MBNL2: variants seen among roughly 807,000 people sequenced by gnomAD.
The protein encoded by MBNL2 is muscleblind-like protein 2.
In MBNL2, 17 loss-of-function variants were observed where a neutral mutation model predicts 41.9. The observed-to-expected ratio is 0.41, with a 90% confidence interval of 0.28 to 0.61. The LOEUF (loss-of-function observed/expected upper bound fraction) is 0.61, where lower values mean the gene tolerates loss of function less well. MBNL2 is among the 20% of genes least tolerant of loss of function. The pLI, the probability that MBNL2 is intolerant of heterozygous loss-of-function variation, is 0.35. For missense variants in MBNL2, 336 were observed against 505.6 expected, an observed-to-expected ratio of 0.66 and a Z score of 3.22; for synonymous variants, 195 against 182.9, an observed-to-expected ratio of 1.07 and a Z score of -0.53.
chr13:97,144,983 T>C, the MBNL2 span, among the ~76,000 whole-genome samples: 1 of 152,178 alleles, frequency 6.6e-6, no homozygotes, highest in Non-Finnish European at 1.5e-5. Flanking sequence ...CATGGTAGCA[T>C]TGTGCTTCCC....
At chr13:97,327,699 G>A (rs987017685) in intron 2 of MBNL2, among the ~76,000 whole-genome samples, 3 of 151,890 alleles carry the variant, frequency 2.0e-5, no homozygotes, top group African/African-American at 7.3e-5. Context: ...GCCCTGGCAA[G>A]TTTCAGCAGG....
At position 97,238,551 on chromosome 13, in the gene MBNL2, G is replaced by A. The variant is rs150690048; in HGVS notation, c.-605+16020G>A. 9.2e-5 allele frequency among the ~76,000 whole-genome samples: 14 copies of A among 152,284 alleles called. No individual in the cohort carries two copies. In the East Asian group the frequency reaches 2.3e-3, roughly 25 times the overall value. ...AGAAAGTTCAATAAAGATGAAGACCGGGCCCAGTCCTATGAGGTGCAGAAG... is the reference window on the plus strand; with the variant it reads ...AGAAAGTTCAATAAAGATGAAGACCAGGCCCAGTCCTATGAGGTGCAGAAG... On this transcript the variant is annotated intron_variant, in intron 1 of 8. Coordinates refer to ENST00000679496, the MANE Select transcript of MBNL2 (RefSeq NM_001382683.1).
chr13:97,236,408 G>A (rs995082206), intron 1 of MBNL2, among the ~76,000 whole-genome samples: 2 of 152,030 alleles, frequency 1.3e-5, no homozygotes, highest in African/African-American at 4.8e-5. Flanking sequence ...GTTGGAGGGG[G>A]TGCTCCTGGG....
At chr13:97,237,821 C>T (rs2043567218) in intron 1 of MBNL2, among the ~76,000 whole-genome samples, 1 of 152,136 alleles carries the variant, frequency 6.6e-6, no homozygotes, top group African/African-American at 2.4e-5. Flanking sequence ...TCAGACAATG[C>T]TTTAGAGAGA....
intron 2 of MBNL2, among the ~76,000 whole-genome samples, chr13:97,320,210 A>C (rs551858816): frequency 6.6e-6 from 1 of 152,124 alleles, no homozygotes; most frequent in South Asian, 2.1e-4. Context: ...CCAGAGGTCC[A>C]AAATCCAAGG....
chr13:97,338,347 C>T (rs2061068874), intron 3 of MBNL2, among the ~76,000 whole-genome samples: 1 of 152,198 alleles, frequency 6.6e-6, no homozygotes, highest in African/African-American at 2.4e-5. Context: ...CCAGCATTCT[C>T]TACCAGCGAG....
intron 7 of MBNL2, among the ~76,000 whole-genome samples, chr13:97,364,290 C>A (rs1267289042): frequency 6.6e-6 from 1 of 152,162 alleles, no homozygotes; most frequent in Non-Finnish European, 1.5e-5. Context: ...GCCAGAAATC[C>A]CCCTCAGGGA....
the MBNL2 span, among the ~76,000 whole-genome samples, chr13:97,171,730 C>G: frequency 6.6e-6 from 1 of 152,088 alleles, no homozygotes; most frequent in Admixed American, 6.5e-5. Flanking sequence ...CATTCTGGGT[C>G]TTGATATGGT....
At chr13:97,290,548 C>T (rs894123421) in intron 2 of MBNL2, among the ~76,000 whole-genome samples, 2 of 151,964 alleles carry the variant, frequency 1.3e-5, no homozygotes, top group Non-Finnish European at 2.9e-5. Flanking sequence ...CGGTGGCGGG[C>T]GCCTGTAGTC....
At chr13:97,147,210 G>A in the MBNL2 span, among the ~76,000 whole-genome samples, 40 of 152,346 alleles carry the variant, frequency 2.6e-4, no homozygotes, top group Admixed American at 5.9e-4. Context: ...TATTTGTGCT[G>A]AATGCACTGT....
At chr13:97,177,848 T>C in the MBNL2 span, among the ~76,000 whole-genome samples, 1 of 152,272 alleles carries the variant, frequency 6.6e-6, no homozygotes, top group African/African-American at 2.4e-5. Context: ...AATTACAGTA[T>C]TGAGGGCTAG....
At chr13:97,281,043 C>T (rs1009276988) in intron 2 of MBNL2, among the ~76,000 whole-genome samples, 1 of 152,200 alleles carries the variant, frequency 6.6e-6, no homozygotes, top group Admixed American at 6.5e-5. Flanking sequence ...AACATAAGCT[C>T]TATGTGGATA....
At position 97,372,296 on chromosome 13, in the gene MBNL2, T is replaced by C. The variant is rs529377961; in HGVS notation, c.1048+7125T>C. Among the ~76,000 whole-genome samples, 4 of 152,320 alleles carry C rather than the reference T, an allele frequency of 2.6e-5. No homozygotes were observed. In the East Asian group the frequency reaches 7.7e-4, roughly 29 times the overall value. On this transcript the variant is annotated intron_variant, in intron 8 of 8. Transcript: ENST00000679496. ...AAATGATCATTCATGTTTAATATTA[T>C]GACCTCAAAGTCTTACCACATCTTC...
rs1355684311 is a variant in MBNL2, at chr13:97,388,307, A to T, written c.1049-3015A>T. On this transcript the variant is annotated intron_variant, in intron 8 of 8. Coordinates refer to ENST00000679496, the MANE Select transcript of MBNL2 (RefSeq NM_001382683.1). Reference sequence around the variant, plus strand: ...AGATGGAAAAAGTTTATACATATACATACATACATATATATATATATATAT... The same window carrying T: ...AGATGGAAAAAGTTTATACATATACTTACATACATATATATATATATATAT... Among the ~76,000 whole-genome samples the T allele has an allele frequency of 4.0e-5, 3 of 74,132 alleles. No homozygotes were observed. In the Admixed American group the frequency reaches 4.7e-4, roughly 12 times the overall value. 48.6% of individuals were successfully genotyped at this position (74,132 alleles called of 152,430 possible).
At chr13:97,318,309 A>G (rs2059224051) in intron 2 of MBNL2, among the ~76,000 whole-genome samples, 1 of 152,238 alleles carries the variant, frequency 6.6e-6, no homozygotes, top group South Asian at 2.1e-4. Flanking sequence ...GATTAAGAGC[A>G]GTGGCTTTGG....
chr13:97,221,039 C>T (rs958976457), upstream of MBNL2, among the ~76,000 whole-genome samples: 6 of 152,078 alleles, frequency 3.9e-5, no homozygotes, highest in Non-Finnish European at 7.4e-5. Flanking sequence ...GGGAATAAAG[C>T]ATGGTAGTTA....
At chr13:97,219,510 T>G (rs541938724), upstream of MBNL2, among the ~76,000 whole-genome samples, 15 of 152,350 alleles carry the variant, frequency 9.8e-5, no homozygotes, top group South Asian at 3.1e-3. Context: ...GCCAGCATGG[T>G]CAGGTTCTGG....
At chr13:97,311,917 T>C (rs1566409479) in intron 2 of MBNL2, among the ~76,000 whole-genome samples, 1 of 152,210 alleles carries the variant, frequency 6.6e-6, no homozygotes, top group Non-Finnish European at 1.5e-5. Context: ...CCATTACAGA[T>C]AGTCCTTTTT....
intron 1 of MBNL2, among the ~76,000 whole-genome samples, chr13:97,233,105 C>T (rs1263083358): frequency 8.0e-6 from 1 of 125,320 alleles, no homozygotes; most frequent in Non-Finnish European, 1.7e-5. Flanking sequence ...TTCTTTGATG[C>T]TCTCGCTTCA....
Sources: allele counts gnomAD v4.1 joint callset (sites outside exome capture counted in the v4.1 genomes callset), GRCh38; gene constraint gnomAD v4.1.1; transcripts MANE v1.5; gene names NCBI Gene and HGNC (gene_info 2026-07-23, HGNC 2026-07-21).